The following DOCK3 variants were observed in gnomAD, a reference collection of about 807,000 sequenced individuals.
DOCK3 encodes dedicator of cytokinesis protein 3.
In DOCK3, 60 loss-of-function variants were observed where a neutral mutation model predicts 265.6. That is an observed-to-expected ratio of 0.23 (90% CI 0.18 to 0.28). The LOEUF (loss-of-function observed/expected upper bound fraction) is 0.28. Among genes scored for constraint, DOCK3 ranks in the 10% least tolerant of loss-of-function variants. The pLI is 1.00. For missense variants in DOCK3, 1,981 were observed against 2,594.3 expected, an observed-to-expected ratio of 0.76 and a Z score of 5.14; for synonymous variants, 881 against 938.0, an observed-to-expected ratio of 0.94 and a Z score of 1.11.
At chr3:51,189,030 T>C (rs1013996257) in intron 12 of DOCK3, among the ~76,000 whole-genome samples, 3 of 152,232 alleles carry the variant, frequency 2.0e-5, no homozygotes, top group African/African-American at 7.2e-5. Flanking sequence ...CTGTTTTCCA[T>C]AGTGGCTGTA....
chr3:51,254,341 CT>C (rs2079429907), intron 22 of DOCK3, among the ~76,000 whole-genome samples: 1 of 152,166 alleles, frequency 6.6e-6, no homozygotes, highest in African/African-American at 2.4e-5. Context: ...AATGTATATT[CT>C]TTTGATTTGG....
intron 5 of DOCK3, among the ~76,000 whole-genome samples, chr3:51,026,682 G>C (rs746314051): frequency 6.6e-6 from 1 of 151,812 alleles, no homozygotes; most frequent in Non-Finnish European, 1.5e-5. Context: ...ATTTGTTCAT[G>C]GTTTCAATTT....
chr3:51,037,902 C>T (rs1234087742), intron 5 of DOCK3, among the ~76,000 whole-genome samples: 1 of 152,042 alleles, frequency 6.6e-6, no homozygotes, highest in Non-Finnish European at 1.5e-5. Flanking sequence ...AGTGTGAATT[C>T]ATCTAAAGAA....
At chr3:51,172,966 A>G (rs1016294689) in intron 12 of DOCK3, among the ~76,000 whole-genome samples, 1 of 152,188 alleles carries the variant, frequency 6.6e-6, no homozygotes, top group Non-Finnish European at 1.5e-5. Flanking sequence ...CACTGTTTAC[A>G]TATTTACATG....
intron 4 of DOCK3, among the ~76,000 whole-genome samples, chr3:50,917,410 A>G (rs981008690): frequency 2.6e-5 from 4 of 151,876 alleles, no homozygotes; most frequent in African/African-American, 7.3e-5. Flanking sequence ...CAGGTGTCCT[A>G]TTTCTTCTTG....
At chr3:51,181,863 G>A (rs908284512) in intron 12 of DOCK3, among the ~76,000 whole-genome samples, 4 of 152,280 alleles carry the variant, frequency 2.6e-5, no homozygotes, top group Non-Finnish European at 4.4e-5. Context: ...ATGGCACCCC[G>A]TGGGGTGTCT....
At chr3:50,790,880 T>C (rs2042437492) in intron 2 of DOCK3, among the ~76,000 whole-genome samples, 1 of 152,216 alleles carries the variant, frequency 6.6e-6, no homozygotes, top group Non-Finnish European at 1.5e-5. Context: ...AATGATACTT[T>C]TTTTCATATG....
chr3:51,329,771 C>T (rs918966360), intron 32 of DOCK3, among the ~76,000 whole-genome samples: 3 of 152,126 alleles, frequency 2.0e-5, no homozygotes, highest in Non-Finnish European at 2.9e-5. Flanking sequence ...ATGTATTTTA[C>T]GCATACAAAT....
At chr3:50,949,797 C>A (rs35875816) in intron 5 of DOCK3, among the ~76,000 whole-genome samples, 2 of 152,042 alleles carry the variant, frequency 1.3e-5, no homozygotes, top group Non-Finnish European at 2.9e-5. Flanking sequence ...TTCCCCTTTA[C>A]ATAGCTAGTG....
At chr3:50,724,605 A>C (rs895401967) in intron 1 of DOCK3, among the ~76,000 whole-genome samples, 4 of 150,876 alleles carry the variant, frequency 2.7e-5, no homozygotes, top group African/African-American at 9.8e-5. Context: ...ACCACCAAAC[A>C]CTGCATGTTC....
chr3:51,023,663 G>A (rs920413045), intron 5 of DOCK3, among the ~76,000 whole-genome samples: 3 of 152,252 alleles, frequency 2.0e-5, no homozygotes, highest in South Asian at 4.1e-4. Flanking sequence ...TGATCTGCCC[G>A]CCTTGGCCTC....
chr3:51,197,175 G>A (rs531894334), intron 12 of DOCK3, among the ~76,000 whole-genome samples: 2 of 152,332 alleles, frequency 1.3e-5, no homozygotes, highest in Admixed American at 1.3e-4. Flanking sequence ...CGGTACAGTT[G>A]TTAGTTAAGG....
chr3:50,732,265 G>C (rs377611937), intron 1 of DOCK3, among the ~76,000 whole-genome samples: 1 of 152,096 alleles, frequency 6.6e-6, no homozygotes, highest in Non-Finnish European at 1.5e-5. Flanking sequence ...GGGTGGTGGG[G>C]CTGGGGCAGG....
intron 2 of DOCK3, among the ~76,000 whole-genome samples, chr3:50,802,283 T>A (rs1432103361): frequency 6.6e-6 from 1 of 152,196 alleles, no homozygotes; most frequent in East Asian, 1.9e-4. Flanking sequence ...CCATTATTTT[T>A]ACAGTTGAGT....
At chr3:50,730,452 C>G (rs2038127587) in intron 1 of DOCK3, among the ~76,000 whole-genome samples, 1 of 152,158 alleles carries the variant, frequency 6.6e-6, no homozygotes, top group Non-Finnish European at 1.5e-5. Flanking sequence ...TGCACAAACA[C>G]TTTCAGAAAG....
intron 12 of DOCK3, among the ~76,000 whole-genome samples, chr3:51,186,839 G>A (rs1018130938): frequency 2.6e-5 from 4 of 152,244 alleles, no homozygotes; most frequent in Admixed American, 2.6e-4. Flanking sequence ...CAAGAATTGG[G>A]GTTTGGGAAC....
At position 50,890,068 on chromosome 3, in the gene DOCK3, G is replaced by A. The variant is rs1215134489; in HGVS notation, c.205G>A (p.Val69Ile). ...ANYIHLKKAI[V>I]SNRGQYETVV... Reference sequence around the variant, plus strand: ...TTACATTCACTTGAAAAAGGCAATTGTCAGTAATAGGGGGTGAGTAATTGG... The same window carrying A: ...TTACATTCACTTGAAAAAGGCAATTATCAGTAATAGGGGGTGAGTAATTGG... The change falls in exon 4 of 53, where the codon GTC becomes ATC. Residue 69 changes from valine (V) to isoleucine (I), a missense_variant. Around this residue, in one of 4 missense-constraint regions of DOCK3, gnomAD observed 456 missense variants for 539.0 expected, o/e 0.85. Coordinates refer to ENST00000266037, the MANE Select transcript of DOCK3 (RefSeq NM_004947.5). 2 of 1,431,034 alleles carry A rather than the reference G, an allele frequency of 1.4e-6. No individual in the cohort carries two copies. The highest frequency in any genetic ancestry group is 1.6e-5 in the South Asian group (1 of 63,406). 88.6% of individuals were successfully genotyped at this position (1,431,034 alleles called of 1,614,324 possible).
At chr3:51,298,606 CCT>C (rs1244515602) in intron 27 of DOCK3, among the ~76,000 whole-genome samples, 3 of 152,128 alleles carry the variant, frequency 2.0e-5, no homozygotes, top group African/African-American at 4.8e-5. Context: ...TGTTTTCCTC[CCT>C]GTGTCCATGT....
chr3:50,970,289 A>G (rs779278051), intron 5 of DOCK3, among the ~76,000 whole-genome samples: 1 of 152,090 alleles, frequency 6.6e-6, no homozygotes, highest in Non-Finnish European at 1.5e-5. Flanking sequence ...GTCTTGCAGT[A>G]TATCTTTATG....
Sources: gnomAD v4.1 joint callset for allele counts (sites outside exome capture counted in the v4.1 genomes callset) on GRCh38, gnomAD v4.1.1 for gene constraint, gnomAD v4.1.1 regional missense constraint, MANE v1.5 for transcripts, NCBI Gene and HGNC (gene_info 2026-07-23, HGNC 2026-07-21) for gene names.